BCDIN3D: variants seen among roughly 807,000 people sequenced by gnomAD.
The protein encoded by BCDIN3D is BCDIN3 domain containing RNA methyltransferase.
BCDIN3D carries 15 observed loss-of-function variants against 21.2 expected under a neutral mutation model. The ratio of observed to expected loss-of-function variants is 0.71; its 90% CI spans 0.47 to 1.09. The LOEUF is 1.09. Among genes scored for constraint, BCDIN3D ranks in the 50% least tolerant of loss-of-function variants. BCDIN3D has a pLI of 0.00. For synonymous variants in BCDIN3D, 127 were observed against 141.9 expected (o/e 0.90, Z 0.75); for missense variants, 331 against 366.2 (o/e 0.90, Z 0.79).
chr12:49,839,044 T>A (rs1047724833), intron 1 of BCDIN3D, 29 bp from the exon 2 acceptor site: 1 of 1,593,892 alleles, frequency 6.3e-7, no homozygotes, highest in African/African-American at 1.3e-5. Flanking sequence ...GCTTTGTCAC[T>A]GCAGTTCTCA....
Position 49,838,800 on chromosome 12 carries a change from TAAG to T in BCDIN3D, c.447_449del (p.Phe149del), listed in dbSNP as rs1946530542. ...CAAAAACTGAACGTCCAAATTGGCT[TAAG>T]AAAGAGCTCAAGAGAACCTTCCGGG... On this transcript the variant is annotated inframe_deletion, in exon 2 of 2. Transcript: ENST00000333924. The T allele has an allele frequency of 1.2e-6, 2 of 1,614,110 alleles. No homozygotes were observed. The highest frequency in any genetic ancestry group is 1.7e-6 in the Non-Finnish European group (2 of 1,180,024).
chr12:49,839,344 CA>C (rs1195522751), intron 1 of BCDIN3D: 4 of 255,284 alleles, frequency 1.6e-5, no homozygotes, highest in African/African-American at 9.0e-5. Flanking sequence ...CTGATAAACT[CA>C]CTCTTTTTCT....
chr12:49,842,757 AGTTTCGATGGGT>A (rs1946561876), intron 1 of BCDIN3D, 85 bp downstream of exon 1: 1 of 1,108,404 alleles, frequency 9.0e-7, no homozygotes, highest in African/African-American at 1.6e-5. Context: ...GTTTTGGGAA[AGTTTCGATGGGT>A]GTTAGCCCAG....
chr12:49,842,972 C>T lies in BCDIN3D; in HGVS notation c.116G>A (p.Arg39His). The T allele has an allele frequency of 6.2e-7, 1 of 1,614,198 alleles. No homozygotes were observed. Among genetic ancestry groups the T allele is most frequent in the South Asian group, 1.1e-5 (1 of 91,084 alleles). ...GAGCCGTTGCTCCGGAGGGTGGAAG[C>T]GAGAATAATGAGGAAAATTTCCGAA... ...APFGNFPHYS[R>H]FHPPEQRLRL... The change falls in exon 1 of 2, where the codon CGC becomes CAC. Residue 39 changes from arginine (R) to histidine (H), a missense_variant. By Grantham distance (29) the Arg-to-His change is conservative. Coordinates refer to ENST00000333924, the MANE Select transcript of BCDIN3D (RefSeq NM_181708.3).
At chr12:49,840,429 T>C (rs1048105939) in intron 1 of BCDIN3D, 12 of 152,180 alleles carry the variant, frequency 7.9e-5, no homozygotes, top group Non-Finnish European at 1.6e-4. Context: ...AACAGAAGGC[T>C]AGTTGTTACC....
In BCDIN3D at chr12:49,842,834, A is replaced by G. The variant is rs149065202; in HGVS notation, c.234+20T>C. The G allele has an allele frequency of 1.1e-5, 17 of 1,574,776 alleles. No individual in the cohort carries two copies. The African/African-American group carries it at 1.2e-4, about 11-fold the overall frequency. On this transcript the variant is annotated intron_variant, in intron 1 of 1. Transcript: ENST00000333924. ...CAACCACTTGGCTCCGGATGCTCCA[A>G]TCCCTCCCCTGTCACTCACCCCGGA...
rs1251378737 is a variant in BCDIN3D, at chr12:49,838,882, C to T, written c.368G>A (p.Cys123Tyr). 5.6e-6 allele frequency: 9 copies of T among 1,614,216 alleles called. No individual in the cohort carries two copies. Among genetic ancestry groups the T allele is most frequent in the Admixed American group, 1.7e-5 (1 of 60,032 alleles). ...AAAAGTCAAGGCATCAGGAAAAGGA[C>T]ATTCTTTTTCGGCTCGCTTCACCAG... The part of the protein sequence containing the change: ...PVLVKRAEKE[C>Y]PFPDALTFIT... Residue 123 changes from cysteine to tyrosine, a missense_variant, in exon 2 of 2, where the codon TGT (cysteine) becomes TAT (tyrosine). Physicochemically the swap from Cys to Tyr is radical, Grantham distance 194. Transcript: ENST00000333924.
Position 49,836,694 on chromosome 12 carries a change from A to C in BCDIN3D, c.*1677T>G, listed in dbSNP as rs1221851508. On this transcript the variant is annotated 3_prime_UTR_variant, in exon 2 of 2. Coordinates refer to ENST00000333924, the MANE Select transcript of BCDIN3D (RefSeq NM_181708.3). ...GAAAAACAAGTTATCAGAGATAGTA[A>C]GATGCATGTTTTCTACAAGGTGAGA... 1 of 152,240 alleles carries C rather than the reference A, an allele frequency of 6.6e-6. No homozygotes were observed. Among genetic ancestry groups the C allele is most frequent in the Admixed American group, 6.5e-5 (1 of 15,284 alleles). The allele number at this position is 152,240 out of a possible 1,614,324, so 9.4% of individuals were successfully genotyped here. A position where few individuals can be genotyped will look rare whatever the true frequency, so the allele number is the denominator to read the frequency against.
At position 49,838,418 on chromosome 12, in the gene BCDIN3D, T is replaced by A; in HGVS notation, c.832A>T (p.Ile278Leu). 6.2e-7 allele frequency: 1 copy of A among 1,611,622 alleles called. No individual in the cohort carries two copies. The highest frequency in any genetic ancestry group is 8.5e-7 in the Non-Finnish European group (1 of 1,179,992). ...CTGTTCTTTTCTTTCCCTTTTTCTATCAGTGATTCAGGGATTGGATGAGTC... is the reference window on the plus strand; with the variant it reads ...CTGTTCTTTTCTTTCCCTTTTTCTAACAGTGATTCAGGGATTGGATGAGTC... ...IETHPIPESL[I>L]EKGKEKNRLS... Residue 278 changes from isoleucine to leucine, a missense_variant, in exon 2 of 2, where the codon ATA becomes TTA. Transcript: ENST00000333924.
Position 49,842,893 on chromosome 12 carries a change from G to A in BCDIN3D, c.195C>T (p.Asn65=), listed in dbSNP as rs2137063626. ...CCACGTCGAGCCCCAGAATCGGCCC[G>A]TTCTCGGGACTCTCAGGAAAGAGCT... ...LRQLFPESPE[N]GPILGLDVGC... is the part of the protein sequence containing the mutation. Residue 65 remains asparagine (N), a synonymous_variant, in exon 1 of 2, where the codon AAC becomes AAT. Coordinates refer to ENST00000333924, the MANE Select transcript of BCDIN3D (RefSeq NM_181708.3). The A allele has an allele frequency of 1.2e-6, 2 of 1,612,806 alleles. No individual in the cohort carries two copies. Among genetic ancestry groups the A allele is most frequent in the East Asian group, 2.2e-5 (1 of 44,856 alleles).
At chr12:49,841,797 C>T (rs946476880) in intron 1 of BCDIN3D, among the ~76,000 whole-genome samples, 7 of 152,288 alleles carry the variant, frequency 4.6e-5, no homozygotes, top group African/African-American at 1.4e-4. Flanking sequence ...AATTGTCCCC[C>T]GCCCTCCAGA....
chr12:49,842,518 C>G (rs1946560419), intron 1 of BCDIN3D: 1 of 317,542 alleles, frequency 3.1e-6, no homozygotes, highest in Non-Finnish European at 5.9e-6. Context: ...CCCATGTTCC[C>G]AAACGTGTGT....
At chr12:49,841,928 G>C (rs1238219109) in intron 1 of BCDIN3D, among the ~76,000 whole-genome samples, 1 of 152,234 alleles carries the variant, frequency 6.6e-6, no homozygotes, top group Non-Finnish European at 1.5e-5. Flanking sequence ...AGGTGTGGGA[G>C]AGACATTTCC....
Position 49,838,704 on chromosome 12 carries a change from G to A in BCDIN3D, c.546C>T (p.Phe182=), listed in dbSNP as rs1400677191. The change falls in exon 2 of 2, where the codon TTC becomes TTT. Residue 182 remains phenylalanine, a synonymous_variant. Transcript: ENST00000333924. ...LNHGDHGLWE[F]LAHLSSLCHY... ...GGCAGAGGGAGGAAAGATGGGCCAG[G>A]AACTCCCATAGGCCATGGTCTCCAT... The A allele has an allele frequency of 1.2e-6, 2 of 1,613,742 alleles. No individual in the cohort carries two copies. The highest frequency in any genetic ancestry group is 2.2e-5 in the East Asian group (1 of 44,886).
intron 1 of BCDIN3D, chr12:49,840,565 T>A (rs532326467): frequency 6.6e-6 from 1 of 152,548 alleles, no homozygotes; most frequent in South Asian, 2.0e-4. Context: ...TTTCCCAGGC[T>A]GGAGTACAGT....
At position 49,837,781 on chromosome 12, in the gene BCDIN3D, A is replaced by C. The variant is rs1456003300; in HGVS notation, c.*590T>G. Reference sequence around the variant, plus strand: ...ATCACAAAATTGTATACTTTTAAAAAAATTATCAATTTATCTTTTAATTTT... The same window carrying C: ...ATCACAAAATTGTATACTTTTAAAACAATTATCAATTTATCTTTTAATTTT... On this transcript the variant is annotated 3_prime_UTR_variant, in exon 2 of 2. Transcript: ENST00000333924. The C allele has an allele frequency of 6.6e-6, 1 of 151,992 alleles. No individual in the cohort carries two copies. The highest frequency in any genetic ancestry group is 1.5e-5 in the Non-Finnish European group (1 of 68,050). 9.4% of individuals were successfully genotyped at this position (151,992 alleles called of 1,614,324 possible). A position where few individuals can be genotyped will look rare whatever the true frequency, so the allele number is the denominator to read the frequency against.
intron 1 of BCDIN3D, chr12:49,840,047 A>G (rs1429558056): frequency 2.0e-5 from 3 of 152,206 alleles, no homozygotes; most frequent in Non-Finnish European, 2.9e-5. Flanking sequence ...AGTATTTTCA[A>G]GGCATTTTTC....
chr12:49,842,907 C>T lies in BCDIN3D; in HGVS notation c.181G>A (p.Glu61Lys). 6.2e-7 allele frequency: 1 copy of T among 1,613,698 alleles called. No individual in the cohort carries two copies. Among genetic ancestry groups the T allele is most frequent in the Non-Finnish European group, 8.5e-7 (1 of 1,179,714 alleles). ...AGAATCGGCCCGTTCTCGGGACTCT[C>T]AGGAAAGAGCTGTCGAAGCAGCTCC... The part of the protein sequence containing the change: ...PPELLRQLFP[E>K]SPENGPILGL... Residue 61 changes from glutamate to lysine, a missense_variant, in exon 1 of 2, where the codon GAG becomes AAG. Coordinates refer to ENST00000333924, the MANE Select transcript of BCDIN3D (RefSeq NM_181708.3).
intron 1 of BCDIN3D, 179 bp from the exon 2 acceptor site, chr12:49,839,194 C>T: frequency 1.6e-6 from 1 of 615,510 alleles, no homozygotes; most frequent in Non-Finnish European, 2.8e-6. Flanking sequence ...TCTCAGTGCC[C>T]TCCAGGGGTC....
Sources: allele counts gnomAD v4.1 joint callset (sites outside exome capture counted in the v4.1 genomes callset), GRCh38; gene constraint gnomAD v4.1.1; transcripts MANE v1.5; gene names NCBI Gene and HGNC (gene_info 2026-07-23, HGNC 2026-07-21).